Variants in ANGPT2 observed in about 807,000 individuals in gnomAD.
ANGPT2 encodes the protein angiopoietin 2, also known as angiopoietin-2.
ANGPT2 carries 28 observed loss-of-function variants against 62.9 expected under a neutral mutation model. That is an observed-to-expected ratio of 0.44 (90% CI 0.33 to 0.61). ANGPT2 has a LOEUF of 0.61. Among genes scored for constraint, ANGPT2 ranks in the 20% least tolerant of loss-of-function variants. The pLI is 0.03. For missense variants in ANGPT2, 727 were observed against 594.9 expected (o/e 1.22, Z -2.31); for synonymous variants, 284 against 207.8 (o/e 1.37, Z -3.15).
chr8:6,537,674 G>A (rs1372660216), intron 1 of ANGPT2, among the ~76,000 whole-genome samples: 1 of 151,890 alleles, frequency 6.6e-6, no homozygotes, highest in Admixed American at 6.5e-5. Flanking sequence ...CATTTGTGAG[G>A]CAACTATGGC....
At chr8:6,561,601 A>G (rs1406214236) in intron 1 of ANGPT2, among the ~76,000 whole-genome samples, 2 of 152,246 alleles carry the variant, frequency 1.3e-5, no homozygotes, top group African/African-American at 4.8e-5. Context: ...AAGACTTTAC[A>G]TAGCTTTAGA....
chr8:6,540,609 T>A (rs1821368700), intron 1 of ANGPT2, among the ~76,000 whole-genome samples: 2 of 152,222 alleles, frequency 1.3e-5, no homozygotes, highest in Admixed American at 1.3e-4. Flanking sequence ...CGTCTGCATA[T>A]ATAGATATAT....
rs1811886305 is a variant in ANGPT2, at chr8:6,500,236, G to A, written c.*2865C>T. 2.7e-6 allele frequency: 1 copy of A among 369,822 alleles called. No individual in the cohort carries two copies. The highest frequency in any genetic ancestry group is 2.5e-5 in the South Asian group (1 of 39,222). 22.9% of individuals were successfully genotyped at this position (369,822 alleles called of 1,614,324 possible). ...TCTTGGGCAGGTAGTCTTATATCTT[G>A]CTTAATGTTTTTACTGTTAATAGAA... On this transcript the variant is annotated 3_prime_UTR_variant, in exon 9 of 9. Coordinates refer to ENST00000629816, the MANE Select transcript of ANGPT2 (RefSeq NM_001118887.2).
intron 3 of ANGPT2, among the ~76,000 whole-genome samples, chr8:6,523,023 A>G (rs1199163325): frequency 6.6e-6 from 1 of 150,846 alleles, no homozygotes; most frequent in African/African-American, 2.4e-5. Context: ...TTTGAGATGG[A>G]GTCTCGCTCT....
In ANGPT2 at chr8:6,500,027, C is replaced by T. The variant is rs971799110; in HGVS notation, c.*3074G>A. 7.4e-6 allele frequency: 7 copies of T among 947,862 alleles called. No homozygotes were observed. The African/African-American group carries it at 8.0e-5, about 11-fold the overall frequency. The allele number at this position is 947,862 out of a possible 1,614,324, so 58.7% of individuals were successfully genotyped here. A position where few individuals can be genotyped will look rare whatever the true frequency, so the allele number is the denominator to read the frequency against. On this transcript the variant is annotated 3_prime_UTR_variant, in exon 9 of 9. Coordinates refer to ENST00000629816, the MANE Select transcript of ANGPT2 (RefSeq NM_001118887.2). ...GGACTTAAGTTTTTATCCAGTCAAGCACAATTATGCCCATAATTAAAAAGA... is the reference window on the plus strand; with the variant it reads ...GGACTTAAGTTTTTATCCAGTCAAGTACAATTATGCCCATAATTAAAAAGA...
chr8:6,550,473 C>T (rs1427741396), intron 1 of ANGPT2, among the ~76,000 whole-genome samples: 2 of 152,242 alleles, frequency 1.3e-5, no homozygotes, highest in Non-Finnish European at 2.9e-5. Context: ...CTCACCTCCC[C>T]TCCGGGGTGA....
rs762386101 is a variant in ANGPT2, at chr8:6,562,679, T to A, written c.256A>T (p.Ile86Phe). ...SVQRLQVLEN[I>F]MENNTQWLMK... ...AGCCACTGAGTGTTGTTTTCCATGA[T>A]GTTCTCCAGCACTTGCAGCCTCTGC... is the stretch of plus-strand genomic sequence containing the variant. Residue 86 changes from isoleucine (I) to phenylalanine (F), a missense_variant, in exon 1 of 9, where the codon ATC becomes TTC. Physicochemically the swap from Ile to Phe is conservative, Grantham distance 21. Transcript: ENST00000629816. The A allele has an allele frequency of 1.7e-5, 28 of 1,602,224 alleles. No homozygotes were observed. The highest frequency in any genetic ancestry group is 2.2e-5 in the Non-Finnish European group (26 of 1,170,674).
chr8:6,520,068 T>C, intron 4 of ANGPT2, 77 bp from the exon 5 acceptor site: 1 of 1,537,206 alleles, frequency 6.5e-7, no homozygotes, highest in Non-Finnish European at 8.9e-7. Flanking sequence ...GAGCCAATCA[T>C]TTGGTGAGTT....
chr8:6,518,136 A>G (rs569941784), intron 5 of ANGPT2, among the ~76,000 whole-genome samples: 20 of 152,238 alleles, frequency 1.3e-4, no homozygotes, highest in Non-Finnish European at 1.8e-4. Flanking sequence ...AGACTGAGAA[A>G]CATAGATGAA....
chr8:6,520,559 C>G (rs964903299), intron 4 of ANGPT2, among the ~76,000 whole-genome samples: 2 of 152,096 alleles, frequency 1.3e-5, no homozygotes, highest in African/African-American at 4.8e-5. Context: ...CCAAGCCCAG[C>G]TAATTTTTGT....
chr8:6,503,121 T>C lies in ANGPT2; in HGVS notation c.1468A>G (p.Ile490Val). The change falls in exon 9 of 9, where the codon ATC becomes GTC. Residue 490 changes from isoleucine to valine, a missense_variant. Coordinates refer to ENST00000629816, the MANE Select transcript of ANGPT2 (RefSeq NM_001118887.2). ...GATGTTTAGAAATCTGCTGGTCGGATCATCATGGTTGTGGCCTTGAGCGAA... is the reference window on the plus strand; with the variant it reads ...GATGTTTAGAAATCTGCTGGTCGGACCATCATGGTTGTGGCCTTGAGCGAA... Reference protein sequence around the residue: ...GYSLKATTMMIRPADF With the variant: ...GYSLKATTMMVRPADF The C allele has an allele frequency of 6.2e-7, 1 of 1,614,192 alleles. No individual in the cohort carries two copies. Among genetic ancestry groups the C allele is most frequent in the Non-Finnish European group, 8.5e-7 (1 of 1,180,040 alleles).
chr8:6,559,635 G>T (rs1456500268), intron 1 of ANGPT2, among the ~76,000 whole-genome samples: 3 of 152,312 alleles, frequency 2.0e-5, no homozygotes, highest in Non-Finnish European at 2.9e-5. Context: ...GCACTCATCA[G>T]TGTGAAATAG....
chr8:6,523,660 G>A (rs993938992), intron 3 of ANGPT2, among the ~76,000 whole-genome samples: 2 of 152,162 alleles, frequency 1.3e-5, no homozygotes, highest in Admixed American at 6.5e-5. Flanking sequence ...CGCGATCTCA[G>A]CTCGCTGCAA....
At chr8:6,561,257 A>G (rs1224790521) in intron 1 of ANGPT2, among the ~76,000 whole-genome samples, 1 of 152,256 alleles carries the variant, frequency 6.6e-6, no homozygotes, top group Non-Finnish European at 1.5e-5. Flanking sequence ...TTAAAAAGAC[A>G]TTGCTAGTGA....
chr8:6,504,842 G>C (rs1220291819), intron 8 of ANGPT2, among the ~76,000 whole-genome samples: 1 of 152,000 alleles, frequency 6.6e-6, no homozygotes, highest in Non-Finnish European at 1.5e-5. Flanking sequence ...ATACACATAG[G>C]GTTTGATACT....
chr8:6,534,429 C>G (rs12550255), intron 1 of ANGPT2, among the ~76,000 whole-genome samples: 30,228 of 151,940 alleles, frequency 0.2, 3,704 homozygotes, highest in Admixed American at 0.28. Flanking sequence ...TGGAATCAGT[C>G]CCCCACAGAC....
At chr8:6,555,247 C>T (rs1407674713) in intron 1 of ANGPT2, among the ~76,000 whole-genome samples, 3 of 152,050 alleles carry the variant, frequency 2.0e-5, no homozygotes, top group Non-Finnish European at 4.4e-5. Context: ...ACAATCAAAC[C>T]GTTTTCAAAC....
chr8:6,509,078 G>T lies in ANGPT2; in HGVS notation c.1197-16C>A, dbSNP rs749652456. On this transcript the variant is annotated splice_polypyrimidine_tract_variant and intron_variant, in intron 7 of 8. Transcript: ENST00000629816. ...AAGGTGAATCCTGTAAGCGTGCAAAGAAAAAAAACACATTGGCTAGGGTCA... is the reference window on the plus strand; with the variant it reads ...AAGGTGAATCCTGTAAGCGTGCAAATAAAAAAAACACATTGGCTAGGGTCA... The T allele has an allele frequency of 2.5e-6, 4 of 1,603,728 alleles. No individual in the cohort carries two copies. In the South Asian group the frequency reaches 3.3e-5, roughly 13 times the overall value.
chr8:6,507,194 A>T (rs1161050346), intron 8 of ANGPT2, among the ~76,000 whole-genome samples: 1 of 152,196 alleles, frequency 6.6e-6, no homozygotes, highest in Non-Finnish European at 1.5e-5. Flanking sequence ...CACCATGCCC[A>T]GCCCTATTAA....
Sources: gnomAD v4.1 joint callset for allele counts (sites outside exome capture counted in the v4.1 genomes callset) on GRCh38, gnomAD v4.1.1 for gene constraint, MANE v1.5 for transcripts, NCBI Gene and HGNC (gene_info 2026-07-23, HGNC 2026-07-21) for gene names.